Variants in MIS18A observed in about 807,000 individuals in gnomAD.
The protein encoded by MIS18A is MIS18 kinetochore protein A.
In MIS18A, 14 loss-of-function variants were observed where a neutral mutation model predicts 25.0. The ratio of observed to expected loss-of-function variants is 0.56; its 90% CI spans 0.37 to 0.88. The LOEUF (loss-of-function observed/expected upper bound fraction) is 0.88. Among genes scored for constraint, MIS18A ranks in the 40% least tolerant of loss-of-function variants. The pLI is 0.00. For synonymous variants in MIS18A, 134 were observed against 118.6 expected (o/e 1.13, Z -0.84); for missense variants, 292 against 290.8 (o/e 1.00, Z -0.03).
chr21:32,170,600 A>G, the MIS18A span, among the ~76,000 whole-genome samples: 1 of 152,246 alleles, frequency 6.6e-6, no homozygotes, highest in East Asian at 1.9e-4. Flanking sequence ...TAGAAAGGGG[A>G]AAAAATTAAG....
At chr21:32,171,596 C>T in the MIS18A span, among the ~76,000 whole-genome samples, 2 of 151,986 alleles carry the variant, frequency 1.3e-5, no homozygotes, top group Admixed American at 1.3e-4. Context: ...CCTATTGCTC[C>T]TAGGCTACAA....
the MIS18A span, among the ~76,000 whole-genome samples, chr21:32,186,585 C>A: frequency 6.6e-6 from 1 of 152,096 alleles, no homozygotes; most frequent in Non-Finnish European, 1.5e-5. Flanking sequence ...GCTTCAGTTG[C>A]AGATAAAATA....
chr21:32,241,312 G>A, the MIS18A span, among the ~76,000 whole-genome samples: 1 of 150,356 alleles, frequency 6.7e-6, no homozygotes, highest in African/African-American at 2.5e-5. Flanking sequence ...TAAAATCCGA[G>A]CAACATTCCA....
rs1003240223 is a variant in MIS18A, at chr21:32,268,705, G to A, written c.*332C>T. 4.5e-5 allele frequency: 8 copies of A among 177,938 alleles called. No homozygotes were observed. Among genetic ancestry groups the A allele is most frequent in the East Asian group, 2.8e-4 (2 of 7,210 alleles). The allele number at this position is 177,938 out of a possible 1,614,324, so 11.0% of individuals were successfully genotyped here. On this transcript the variant is annotated 3_prime_UTR_variant, in exon 5 of 5. Transcript: ENST00000290130. ...AACTCCTAAGTCCCAATTCCAACAAGTACCATAAAACGTCTTTAAAATGCG... is the reference window on the plus strand; with the variant it reads ...AACTCCTAAGTCCCAATTCCAACAAATACCATAAAACGTCTTTAAAATGCG...
chr21:32,218,058 T>C, the MIS18A span, among the ~76,000 whole-genome samples: 4 of 151,120 alleles, frequency 2.6e-5, no homozygotes, highest in African/African-American at 9.7e-5. Flanking sequence ...CCGGGCATGG[T>C]GTTGGGCGCC....
At chr21:32,244,132 C>T in the MIS18A span, among the ~76,000 whole-genome samples, 2 of 152,108 alleles carry the variant, frequency 1.3e-5, no homozygotes, top group Non-Finnish European at 2.9e-5. Flanking sequence ...GAAAAGCATT[C>T]TGCTAAGTGA....
the MIS18A span, among the ~76,000 whole-genome samples, chr21:32,226,474 A>G: frequency 3.8e-4 from 58 of 152,298 alleles, no homozygotes; most frequent in East Asian, 6.2e-3. Context: ...TGGACTTTAT[A>G]CAAAAATCGT....
the MIS18A span, among the ~76,000 whole-genome samples, chr21:32,233,543 G>A: frequency 2.6e-5 from 4 of 152,300 alleles, no homozygotes; most frequent in East Asian, 1.9e-4. Flanking sequence ...TAGCAGCCAC[G>A]GCTTTGATTC....
the MIS18A span, among the ~76,000 whole-genome samples, chr21:32,235,793 T>A: frequency 6.6e-6 from 1 of 151,974 alleles, no homozygotes; most frequent in East Asian, 1.9e-4. Context: ...CAACCCACCA[T>A]GGAGAACAAG....
the MIS18A span, among the ~76,000 whole-genome samples, chr21:32,157,899 C>A: frequency 2.0e-5 from 3 of 151,928 alleles, no homozygotes; most frequent in Non-Finnish European, 4.4e-5. Flanking sequence ...AAAGAAAAAA[C>A]CAGAGGGTTG....
At chr21:32,163,438 C>T in the MIS18A span, among the ~76,000 whole-genome samples, 2 of 152,298 alleles carry the variant, frequency 1.3e-5, no homozygotes, top group African/African-American at 4.8e-5. Context: ...GGGAAACTAA[C>T]CCTCACACCT....
the MIS18A span, among the ~76,000 whole-genome samples, chr21:32,245,453 A>G: frequency 6.6e-6 from 1 of 152,206 alleles, no homozygotes; most frequent in African/African-American, 2.4e-5. Context: ...CAACAGAGGG[A>G]CGAAGAGTCA....
the MIS18A span, among the ~76,000 whole-genome samples, chr21:32,205,134 T>TCACTCTGTCTCC: frequency 8.6e-6 from 1 of 116,324 alleles, no homozygotes; most frequent in East Asian, 3.1e-4. Context: ...AGACAGAGTC[T>TCACTCTGTCTCC]CACTCTGTCT....
At chr21:32,217,549 G>A in the MIS18A span, among the ~76,000 whole-genome samples, 2 of 152,198 alleles carry the variant, frequency 1.3e-5, no homozygotes, top group Non-Finnish European at 1.5e-5. Flanking sequence ...AGAAAGAATA[G>A]TTGAAGAAGT....
the MIS18A span, among the ~76,000 whole-genome samples, chr21:32,241,847 C>A: frequency 2.0e-5 from 3 of 152,310 alleles, no homozygotes; most frequent in Admixed American, 6.5e-5. Flanking sequence ...GCTCTCTTGA[C>A]AATTTCATAC....
chr21:32,214,400 AG>A, the MIS18A span, among the ~76,000 whole-genome samples: 1 of 152,194 alleles, frequency 6.6e-6, no homozygotes, highest in African/African-American at 2.4e-5. Context: ...GCTGGGATGC[AG>A]ACGGGTTGCA....
At chr21:32,238,951 A>G in the MIS18A span, among the ~76,000 whole-genome samples, 220 of 151,518 alleles carry the variant, frequency 1.5e-3, 4 homozygotes, top group Non-Finnish European at 5.2e-4. Context: ...TTCTTGGGGG[A>G]AAAAAAAATA....
the MIS18A span, among the ~76,000 whole-genome samples, chr21:32,189,741 T>C: frequency 1.3e-5 from 2 of 152,248 alleles, no homozygotes; most frequent in South Asian, 4.1e-4. Context: ...TACTGTCACC[T>C]GCAGGCAGTC....
the MIS18A span, among the ~76,000 whole-genome samples, chr21:32,185,171 CACTT>C: frequency 2.0e-5 from 3 of 152,162 alleles, no homozygotes; most frequent in Admixed American, 1.3e-4. Context: ...GCTCCCTGCA[CACTT>C]ACTAATGGGG....
Sources: allele counts gnomAD v4.1 joint callset (sites outside exome capture counted in the v4.1 genomes callset), GRCh38; gene constraint gnomAD v4.1.1; transcripts MANE v1.5; gene names NCBI Gene and HGNC (gene_info 2026-07-23, HGNC 2026-07-21).